CDYL: variants seen among roughly 807,000 people sequenced by gnomAD.
The protein encoded by CDYL is chromodomain Y-like protein.
In CDYL, 8 loss-of-function variants were observed where a neutral mutation model predicts 47.3. The observed-to-expected ratio is 0.17, with a 90% CI of 0.10 to 0.31. CDYL has a LOEUF of 0.31. Among genes scored for constraint, CDYL ranks in the 10% least tolerant of loss-of-function variants. The probability of loss-of-function intolerance (pLI) is 1.00; values close to 1 mark genes in which losing one functional copy is unlikely to be tolerated. For missense variants in CDYL, 471 were observed against 701.4 expected, an observed-to-expected ratio of 0.67 and a Z score of 3.71; for synonymous variants, 266 against 265.0, an observed-to-expected ratio of 1.00 and a Z score of -0.04.
rs572330512 is a variant in CDYL at position 4,837,666 on chromosome 6, T to C, written c.25-54047T>C. On this transcript the variant is annotated intron_variant, in intron 1 of 6. Transcript: ENST00000397588. Reference sequence around the variant, plus strand: ...TTTTAGTAGAGACGAGGTTTCATCATGTTGGTCAGGCTGCTCTCGAACTCC... The same window carrying C: ...TTTTAGTAGAGACGAGGTTTCATCACGTTGGTCAGGCTGCTCTCGAACTCC... Among the ~76,000 whole-genome samples the C allele has an allele frequency of 5.3e-5, 8 of 152,224 alleles. No homozygotes were observed. In the South Asian group the frequency reaches 6.2e-4, roughly 12 times the overall value.
chr6:4,806,542 A>G (rs1231053047), intron 1 of CDYL, among the ~76,000 whole-genome samples: 1 of 152,206 alleles, frequency 6.6e-6, no homozygotes, highest in African/African-American at 2.4e-5. Flanking sequence ...CTTCTGTAAC[A>G]TTGTAGCACA....
At chr6:4,819,162 C>CTCTCTCTCTGTGTGTG (rs1016051589) in intron 1 of CDYL, among the ~76,000 whole-genome samples, 9 of 111,994 alleles carry the variant, frequency 8.0e-5, no homozygotes, top group African/African-American at 4.3e-4. Flanking sequence ...CTCTCTCTCT[C>CTCTCTCTCTGTGTGTG]TGTGTGTGTG....
intron 2 of CDYL, among the ~76,000 whole-genome samples, chr6:4,910,753 T>C (rs1240530517): frequency 1.3e-5 from 2 of 152,112 alleles, no homozygotes; most frequent in Non-Finnish European, 2.9e-5. Flanking sequence ...TTGGAAGCGA[T>C]GGTTTGGATA....
intron 2 of CDYL, among the ~76,000 whole-genome samples, chr6:4,717,903 G>A (rs1333362989): frequency 6.6e-6 from 1 of 151,108 alleles, no homozygotes; most frequent in East Asian, 1.9e-4. Flanking sequence ...CTGAAGTGCA[G>A]TGGCTCAGGA....
At chr6:4,719,669 T>C (rs556475675) in intron 2 of CDYL, among the ~76,000 whole-genome samples, 7 of 152,330 alleles carry the variant, frequency 4.6e-5, no homozygotes, top group African/African-American at 1.7e-4. Context: ...GGTTGATCCT[T>C]GGCTGATAGA....
intron 4 of CDYL, among the ~76,000 whole-genome samples, chr6:4,941,783 C>G (rs1325388004): frequency 6.6e-6 from 1 of 152,034 alleles, no homozygotes; most frequent in Non-Finnish European, 1.5e-5. Flanking sequence ...TGACTTTGAT[C>G]ATCGCTTTTA....
chr6:4,713,823 A>C (rs981754004), intron 1 of CDYL, among the ~76,000 whole-genome samples: 13 of 152,190 alleles, frequency 8.5e-5, no homozygotes, highest in Admixed American at 7.9e-4. Flanking sequence ...CCAGATCTCC[A>C]GTGATCTGCC....
At chr6:4,799,397 A>G (rs1467057704) in intron 1 of CDYL, among the ~76,000 whole-genome samples, 1 of 152,186 alleles carries the variant, frequency 6.6e-6, no homozygotes, top group African/African-American at 2.4e-5. Context: ...GGAGCTTTTC[A>G]TAAATACCAG....
At position 4,844,468 on chromosome 6, in the gene CDYL, G is replaced by A. The variant is rs118116897; in HGVS notation, c.25-47245G>A. Among the ~76,000 whole-genome samples the A allele has an allele frequency of 6.3e-4, 96 of 152,234 alleles. 1 individual carries two copies. In the East Asian group the frequency reaches 0.012, roughly 19 times the overall value. On this transcript the variant is annotated intron_variant, in intron 1 of 6. Transcript: ENST00000397588. ...TGGATTCTCTTGGCTTTCCTGGTAC[G>A]TTCCTGCCGTAGTTCTTGGAGCAAA...
rs575183523 is a variant in CDYL at position 4,866,516 on chromosome 6, C to T, written c.25-25197C>T. The stretch of plus-strand genomic sequence containing the variant: ...ATTATAGTAAGTTCTCACTTAACGT[C>T]ATCAATAAGTTCTTGGAAACTGCTA... On this transcript the variant is annotated intron_variant, in intron 1 of 6. Transcript: ENST00000397588. Among the ~76,000 whole-genome samples, 9 of 152,168 alleles carry T rather than the reference C, an allele frequency of 5.9e-5. No homozygotes were observed. In the East Asian group the frequency reaches 1.7e-3, roughly 29 times the overall value.
rs1759599120 is a variant in CDYL at position 4,813,939 on chromosome 6, T to G, written c.24+37132T>G. ...AGTGTGCCACTATGCCTGGCTAATTTTTTTTTTTTTTTTTTTTGTAGAAAC... is the reference window on the plus strand; with the variant it reads ...AGTGTGCCACTATGCCTGGCTAATTGTTTTTTTTTTTTTTTTTGTAGAAAC... On this transcript the variant is annotated intron_variant, in intron 1 of 6. Transcript: ENST00000397588. Among the ~76,000 whole-genome samples the G allele has an allele frequency of 1.0e-4, 6 of 57,366 alleles. No individual in the cohort carries two copies. The South Asian group carries it at 3.0e-3, about 28-fold the overall frequency. The allele number at this position is 57,366 out of a possible 152,430, so 37.6% of individuals were successfully genotyped here.
intron 2 of CDYL, among the ~76,000 whole-genome samples, chr6:4,913,244 A>G (rs1373496713): frequency 6.6e-6 from 1 of 152,196 alleles, no homozygotes; most frequent in African/African-American, 2.4e-5. Context: ...AATTTTATTA[A>G]CACTCTTCCT....
intron 2 of CDYL, among the ~76,000 whole-genome samples, chr6:4,914,470 T>C (rs1757500996): frequency 6.6e-6 from 1 of 152,198 alleles, no homozygotes; most frequent in Non-Finnish European, 1.5e-5. Flanking sequence ...TTCTTACTAT[T>C]ATCTGTCTCT....
At chr6:4,809,479 G>A (rs534882368) in intron 1 of CDYL, among the ~76,000 whole-genome samples, 2 of 152,172 alleles carry the variant, frequency 1.3e-5, no homozygotes, top group Non-Finnish European at 2.9e-5. Context: ...GTTTTTAAGA[G>A]TACTTTGTAT....
rs1347538123 is a variant in CDYL at position 4,900,798 on chromosome 6, T to G, written c.691+8419T>G. On this transcript the variant is annotated intron_variant, in intron 2 of 6. Coordinates refer to ENST00000397588, the MANE Select transcript of CDYL (RefSeq NM_004824.4). The stretch of plus-strand genomic sequence containing the variant: ...ACGTGTGTATATATATATATATATA[T>G]ATATATATATATATATATATATATA... Among the ~76,000 whole-genome samples, 19 of 80,570 alleles carry G rather than the reference T, an allele frequency of 2.4e-4. 1 individual carries two copies. The highest frequency in any genetic ancestry group is 8.5e-4 in the African/African-American group (16 of 18,890). The allele number at this position is 80,570 out of a possible 152,430, so 52.9% of individuals were successfully genotyped here. A position where few individuals can be genotyped will look rare whatever the true frequency, so the allele number is the denominator to read the frequency against.
intron 2 of CDYL, among the ~76,000 whole-genome samples, chr6:4,912,886 C>G (rs964264684): frequency 2.0e-5 from 3 of 152,164 alleles, no homozygotes; most frequent in Non-Finnish European, 2.9e-5. Flanking sequence ...CCCCCATGAC[C>G]CAATTGCCTC....
chr6:4,833,302 C>G (rs1455954307), intron 1 of CDYL, among the ~76,000 whole-genome samples: 1 of 149,434 alleles, frequency 6.7e-6, no homozygotes, highest in African/African-American at 2.5e-5. Context: ...CAAAGAACAT[C>G]TTTATTTCTG....
Position 4,819,256 on chromosome 6 carries a change from A to T in CDYL, c.24+42449A>T, listed in dbSNP as rs150293419. ...GTGCATTGGATTTAATGCTTTTATT[A>T]TAAATCATTAAAGTCTTACTTGTAT... On this transcript the variant is annotated intron_variant, in intron 1 of 6. Coordinates refer to ENST00000397588, the MANE Select transcript of CDYL (RefSeq NM_004824.4). Among the ~76,000 whole-genome samples, 12 of 151,746 alleles carry T rather than the reference A, an allele frequency of 7.9e-5. No homozygotes were observed. In the East Asian group the frequency reaches 2.3e-3, roughly 29 times the overall value.
chr6:4,819,150 C>CTGTGTGTG (rs1759757831), intron 1 of CDYL, among the ~76,000 whole-genome samples: 1 of 139,358 alleles, frequency 7.2e-6, no homozygotes, highest in Admixed American at 6.9e-5. Context: ...CTCTCTCTCT[C>CTGTGTGTG]TCTCTCTCTC....
Sources: allele counts gnomAD v4.1 joint callset (sites outside exome capture counted in the v4.1 genomes callset), GRCh38; gene constraint gnomAD v4.1.1; transcripts MANE v1.5; gene names NCBI Gene and HGNC (gene_info 2026-07-23, HGNC 2026-07-21).